OXR1: variants seen among roughly 807,000 people sequenced by gnomAD.
OXR1 encodes the protein oxidation resistance 1.
In OXR1, 41 loss-of-function variants were observed where a neutral mutation model predicts 104.6. That is an observed-to-expected ratio of 0.39 (90% CI 0.31 to 0.51). The LOEUF is 0.51. Among genes scored for constraint, OXR1 ranks in the 20% least tolerant of loss-of-function variants. The pLI is 0.77. For missense variants in OXR1, 955 were observed against 1,031.9 expected (o/e 0.93, Z 1.02); for synonymous variants, 348 against 348.4 (o/e 1.00, Z 0.01).
At chr8:106,419,282 A>G (rs1818808284) in intron 2 of OXR1, among the ~76,000 whole-genome samples, 1 of 152,126 alleles carries the variant, frequency 6.6e-6, no homozygotes, top group Non-Finnish European at 1.5e-5. Flanking sequence ...GCCTCCTAAC[A>G]TTCTGGTGAG....
intron 3 of OXR1, among the ~76,000 whole-genome samples, chr8:106,541,736 G>T (rs1586782905): frequency 6.6e-6 from 1 of 152,178 alleles, no homozygotes; most frequent in Non-Finnish European, 1.5e-5. Context: ...TTCAGTGAGG[G>T]TTGGAGAAGC....
intron 1 of OXR1, among the ~76,000 whole-genome samples, chr8:106,358,907 A>G (rs1245644530): frequency 1.3e-5 from 2 of 151,820 alleles, no homozygotes; most frequent in East Asian, 1.9e-4. Flanking sequence ...TAATTTAGTG[A>G]GTAATTTAAT....
chr8:106,562,042 T>G (rs1465960489), intron 3 of OXR1, among the ~76,000 whole-genome samples: 8 of 152,052 alleles, frequency 5.3e-5, no homozygotes, highest in Admixed American at 5.2e-4. Flanking sequence ...AGGCTAAAAA[T>G]TCCAAATCCA....
At chr8:106,735,438 A>G (rs1315558647) in intron 11 of OXR1, among the ~76,000 whole-genome samples, 2 of 152,086 alleles carry the variant, frequency 1.3e-5, no homozygotes, top group African/African-American at 2.4e-5. Context: ...AGTAACTCCT[A>G]CTCTCAGCAA....
intron 2 of OXR1, among the ~76,000 whole-genome samples, chr8:106,484,476 AAAG>A (rs1822328401): frequency 1.3e-5 from 2 of 152,064 alleles, no homozygotes; most frequent in Admixed American, 1.3e-4. Context: ...AAAGCAAACA[AAAG>A]AAATAAAATA....
chr8:106,588,744 G>T (rs1001257280), intron 3 of OXR1, among the ~76,000 whole-genome samples: 13 of 152,094 alleles, frequency 8.5e-5, no homozygotes, highest in Non-Finnish European at 1.9e-4. Context: ...CTCCCAAAGT[G>T]CTGGGATTAC....
intron 2 of OXR1, among the ~76,000 whole-genome samples, chr8:106,373,109 A>G (rs1366544056): frequency 6.6e-6 from 1 of 152,220 alleles, no homozygotes; most frequent in Admixed American, 6.5e-5. Flanking sequence ...TATTATAAGT[A>G]TCTAGGGATG....
intron 2 of OXR1, among the ~76,000 whole-genome samples, chr8:106,515,635 G>GCAAGTA (rs1332332447): frequency 6.6e-6 from 1 of 152,008 alleles, no homozygotes; most frequent in African/African-American, 2.4e-5. Flanking sequence ...GTAGTATTCC[G>GCAAGTA]TTGTGTATAC....
At chr8:106,604,029 G>A (rs1237610830) in intron 3 of OXR1, among the ~76,000 whole-genome samples, 3 of 152,054 alleles carry the variant, frequency 2.0e-5, no homozygotes, top group African/African-American at 7.2e-5. Flanking sequence ...CTCCAGCCTG[G>A]GCAACAGAGT....
intron 2 of OXR1, among the ~76,000 whole-genome samples, chr8:106,426,696 G>A (rs1819134881): frequency 6.6e-6 from 1 of 152,114 alleles, no homozygotes; most frequent in South Asian, 2.1e-4. Context: ...TTGTGCCTCA[G>A]TCTCTTTATA....
chr8:106,354,021 C>T lies in OXR1; in HGVS notation c.-138-5455C>T, dbSNP rs906281855. Among the ~76,000 whole-genome samples, 5 of 152,022 alleles carry T rather than the reference C, an allele frequency of 3.3e-5. 1 individual carries two copies. In the South Asian group the frequency reaches 8.3e-4, roughly 25 times the overall value. ...TCTTTTTGTTCCTGGCTGATTTTAG[C>T]GTACTATCTTTCAGGTTATCCAAAT... On this transcript the variant is annotated intron_variant, in intron 1 of 16. Transcript: ENST00000517566.
chr8:106,738,808 A>G (rs1834635565), intron 12 of OXR1, among the ~76,000 whole-genome samples: 3 of 151,956 alleles, frequency 2.0e-5, no homozygotes. Flanking sequence ...TAATTTAAAA[A>G]ATAAATTTAT....
chr8:106,327,311 G>A (rs990113424), intron 1 of OXR1, among the ~76,000 whole-genome samples: 2 of 152,034 alleles, frequency 1.3e-5, no homozygotes, highest in Non-Finnish European at 2.9e-5. Context: ...TTTTGTTCCT[G>A]CTCTTTGATT....
At chr8:106,481,745 A>C (rs750284605) in intron 2 of OXR1, among the ~76,000 whole-genome samples, 1 of 152,104 alleles carries the variant, frequency 6.6e-6, no homozygotes, top group Non-Finnish European at 1.5e-5. Context: ...ATGCTAAAAC[A>C]TAACTTGATG....
chr8:106,683,544 T>C (rs1828389260), intron 5 of OXR1, among the ~76,000 whole-genome samples: 1 of 152,282 alleles, frequency 6.6e-6, no homozygotes. Flanking sequence ...TACAAAGAGC[T>C]TTTTAAAATA....
Position 106,710,883 on chromosome 8 carries a change from A to T in OXR1, c.1793+93A>T, listed in dbSNP as rs539343342. ...CAAAATACCAATGATAAACTATTGA[A>T]ACATAGTTTATGATTAAAAGCAGAC... On this transcript the variant is annotated intron_variant, in intron 10 of 16. Coordinates refer to ENST00000517566, the MANE Select transcript of OXR1 (RefSeq NM_001198533.2). The T allele has an allele frequency of 3.3e-5, 26 of 792,406 alleles. No individual in the cohort carries two copies. The South Asian group carries it at 7.0e-4, about 21-fold the overall frequency. 49.1% of individuals were successfully genotyped at this position (792,406 alleles called of 1,614,324 possible).
At chr8:106,705,353 C>T (rs181453900) in intron 8 of OXR1, among the ~76,000 whole-genome samples, 70 of 152,174 alleles carry the variant, frequency 4.6e-4, no homozygotes, top group African/African-American at 1.2e-3. Context: ...CTAATTAATA[C>T]TTCAAAAATT....
At chr8:106,304,347 A>G (rs1381732100) in intron 1 of OXR1, among the ~76,000 whole-genome samples, 1 of 152,206 alleles carries the variant, frequency 6.6e-6, no homozygotes, top group Non-Finnish European at 1.5e-5. Flanking sequence ...TTGTCAGACT[A>G]GCCAGCTATT....
intron 2 of OXR1, among the ~76,000 whole-genome samples, chr8:106,371,921 T>C (rs1165132114): frequency 6.6e-6 from 1 of 152,128 alleles, no homozygotes; most frequent in African/African-American, 2.4e-5. Context: ...ACTAGAGAAA[T>C]GGGTGCTGCC....
Sources: allele counts gnomAD v4.1 joint callset (sites outside exome capture counted in the v4.1 genomes callset), GRCh38; gene constraint gnomAD v4.1.1; transcripts MANE v1.5; gene names NCBI Gene and HGNC (gene_info 2026-07-23, HGNC 2026-07-21).